The following INPP4B variants were observed in gnomAD, a reference collection of about 807,000 sequenced individuals.
INPP4B encodes the protein inositol polyphosphate 4-phosphatase type II.
Under a neutral mutation model 122.5 loss-of-function variants are expected in INPP4B, and 55 were observed. The ratio of observed to expected loss-of-function variants is 0.45; its 90% CI spans 0.36 to 0.56. The LOEUF (loss-of-function observed/expected upper bound fraction) is 0.56. INPP4B is among the 20% of genes least tolerant of loss of function. The pLI, the probability that INPP4B is intolerant of heterozygous loss-of-function variation, is 0.00. For synonymous variants in INPP4B, 403 were observed against 388.7 expected (o/e 1.04, Z -0.43); for missense variants, 1,000 against 1,097.7 (o/e 0.91, Z 1.26).
At chr4:142,655,427 T>C (rs971637935) in intron 2 of INPP4B, among the ~76,000 whole-genome samples, 6 of 152,224 alleles carry the variant, frequency 3.9e-5, no homozygotes, top group African/African-American at 1.4e-4. Flanking sequence ...GGCCCAAGTC[T>C]AAGTAAAAGG....
At chr4:142,467,385 CTTTAAGA>C (rs1319646028) in intron 2 of INPP4B, among the ~76,000 whole-genome samples, 1 of 152,198 alleles carries the variant, frequency 6.6e-6, no homozygotes, top group Non-Finnish European at 1.5e-5. Context: ...TGTTTTGAAG[CTTTAAGA>C]TTTAATGATA....
chr4:142,341,783 T>C (rs1193610499), intron 7 of INPP4B, among the ~76,000 whole-genome samples: 1 of 145,324 alleles, frequency 6.9e-6, no homozygotes, highest in African/African-American at 2.4e-5. Flanking sequence ...GAGTGGGTCA[T>C]ATGGCAAGAA....
intron 25 of INPP4B, among the ~76,000 whole-genome samples, chr4:142,076,132 A>T (rs969846346): frequency 6.6e-6 from 1 of 152,050 alleles, no homozygotes; most frequent in Admixed American, 6.6e-5. Context: ...TGGAAAACAA[A>T]CACTATCAAC....
intron 12 of INPP4B, among the ~76,000 whole-genome samples, chr4:142,211,710 T>C (rs1032082117): frequency 8.5e-5 from 13 of 152,232 alleles, no homozygotes; most frequent in African/African-American, 2.9e-4. Flanking sequence ...TTGCTTGCCA[T>C]ACTCTATGTT....
At chr4:142,086,351 CA>C in intron 23 of INPP4B, 95 bp from the exon 24 acceptor site, 1 of 711,546 alleles carries the variant, frequency 1.4e-6, no homozygotes. Flanking sequence ...TTTGCAAACA[CA>C]ACTTTTCTTT....
At chr4:142,220,003 C>T (rs1191965704) in intron 12 of INPP4B, among the ~76,000 whole-genome samples, 2 of 152,168 alleles carry the variant, frequency 1.3e-5, no homozygotes, top group East Asian at 1.9e-4. Context: ...TGTTCAGTAG[C>T]CACATGACTA....
chr4:142,658,555 G>A (rs1164629223), intron 2 of INPP4B, among the ~76,000 whole-genome samples: 2 of 152,170 alleles, frequency 1.3e-5, no homozygotes, highest in African/African-American at 4.8e-5. Context: ...TCTCTGCCTG[G>A]TTCCTCTAGA....
intron 2 of INPP4B, among the ~76,000 whole-genome samples, chr4:142,495,566 G>T (rs943725033): frequency 6.6e-6 from 1 of 151,910 alleles, no homozygotes; most frequent in African/African-American, 2.4e-5. Flanking sequence ...GCCACCTTCT[G>T]CCTGTGGTTA....
chr4:142,535,866 T>C (rs1283547279), intron 2 of INPP4B, among the ~76,000 whole-genome samples: 1 of 152,212 alleles, frequency 6.6e-6, no homozygotes, highest in African/African-American at 2.4e-5. Context: ...GTACTTCTAA[T>C]TTCCAGGCTG....
intron 14 of INPP4B, among the ~76,000 whole-genome samples, chr4:142,204,112 A>G (rs1579278285): frequency 1.3e-5 from 2 of 152,100 alleles, no homozygotes; most frequent in East Asian, 1.9e-4. Context: ...GTCAAATAAC[A>G]TGGTTAAAGT....
chr4:142,791,883 T>C (rs1397185659), intron 1 of INPP4B, among the ~76,000 whole-genome samples: 1 of 152,070 alleles, frequency 6.6e-6, no homozygotes, highest in East Asian at 1.9e-4. Context: ...CCAGATGTTC[T>C]CATATTGCAT....
intron 1 of INPP4B, among the ~76,000 whole-genome samples, chr4:142,796,331 A>C (rs2151077929): frequency 6.6e-6 from 1 of 152,142 alleles, no homozygotes; most frequent in East Asian, 1.9e-4. Flanking sequence ...AAATCAACAT[A>C]AAAGGGAAAA....
chr4:142,349,943 T>C (rs188975549), intron 7 of INPP4B, among the ~76,000 whole-genome samples: 2 of 151,818 alleles, frequency 1.3e-5, no homozygotes, highest in East Asian at 3.9e-4. Context: ...ACTGAATATC[T>C]GTTTATTCTC....
chr4:142,619,932 C>G (rs778876170), intron 2 of INPP4B, among the ~76,000 whole-genome samples: 6 of 151,900 alleles, frequency 3.9e-5, no homozygotes, highest in Non-Finnish European at 8.8e-5. Context: ...GAATCATAGT[C>G]CTAAAATTTA....
intron 2 of INPP4B, among the ~76,000 whole-genome samples, chr4:142,575,398 G>C (rs1301954673): frequency 6.6e-6 from 1 of 151,974 alleles, no homozygotes; most frequent in Admixed American, 6.6e-5. Flanking sequence ...TGAGGTCCAG[G>C]GTGGGTTGTG....
chr4:142,843,522 C>T (rs1459829612), intron 1 of INPP4B, among the ~76,000 whole-genome samples: 1 of 151,902 alleles, frequency 6.6e-6, no homozygotes, highest in African/African-American at 2.4e-5. Context: ...TAAAACAGGG[C>T]ATTTCTATCT....
chr4:142,192,333 TAAAAAA>T (rs71586265), intron 15 of INPP4B, among the ~76,000 whole-genome samples: 3 of 8,956 alleles, frequency 3.3e-4, no homozygotes, highest in Non-Finnish European at 6.3e-4. Flanking sequence ...AATCTAAAAG[TAAAAAA>T]AAAAAAAAAA....
chr4:142,273,260 C>G (rs1352251491), intron 9 of INPP4B, among the ~76,000 whole-genome samples: 1 of 151,916 alleles, frequency 6.6e-6, no homozygotes, highest in Non-Finnish European at 1.5e-5. Context: ...AGTATTGGAA[C>G]AGTAACAGTA....
At chr4:142,312,241 T>C (rs951443717) in intron 8 of INPP4B, among the ~76,000 whole-genome samples, 2 of 152,172 alleles carry the variant, frequency 1.3e-5, no homozygotes, top group Non-Finnish European at 2.9e-5. Context: ...GGAGCCAGTA[T>C]AGAGACGCTG....
Sources: allele counts gnomAD v4.1 joint callset (sites outside exome capture counted in the v4.1 genomes callset), GRCh38; gene constraint gnomAD v4.1.1; transcripts MANE v1.5; gene names NCBI Gene and HGNC (gene_info 2026-07-23, HGNC 2026-07-21).